Variants in CFAP97 observed in about 807,000 individuals in gnomAD.
CFAP97 encodes cilia and flagella associated protein 97, also known as cilia- and flagella-associated protein 97.
In CFAP97, 36 loss-of-function variants were observed where a neutral mutation model predicts 43.1. The ratio of observed to expected loss-of-function variants is 0.84; its 90% CI spans 0.64 to 1.10. The LOEUF is 1.10. Among genes scored for constraint, CFAP97 ranks in the 50% least tolerant of loss-of-function variants. The pLI is 0.00. For synonymous variants in CFAP97, 228 were observed against 225.7 expected (o/e 1.01, Z -0.09); for missense variants, 657 against 620.3 (o/e 1.06, Z -0.63).
chr4:185,199,963 A>G lies in CFAP97; in HGVS notation c.-17+3935T>C, dbSNP rs189540765. On this transcript the variant is annotated intron_variant, in intron 1 of 4. Coordinates refer to ENST00000458385, the MANE Select transcript of CFAP97 (RefSeq NM_020827.3). ...TCTGCAGCCCATGGTTCAAGGAGTA[A>G]GTCAAATTTCAAGTCTTACTTTTCA... Among the ~76,000 whole-genome samples the G allele has an allele frequency of 1.1e-3, 166 of 152,368 alleles. 2 individuals carry two copies. The highest frequency in any genetic ancestry group is 3.8e-3 in the African/African-American group (158 of 41,590).
chr4:185,175,648 G>A (rs1735485967), intron 3 of CFAP97, 138 bp downstream of exon 3: 2 of 737,918 alleles, frequency 2.7e-6, no homozygotes, highest in Non-Finnish European at 4.5e-6. Context: ...CACATCATAT[G>A]TTTCATACCA....
intron 2 of CFAP97, among the ~76,000 whole-genome samples, chr4:185,181,449 C>T (rs1461563852): frequency 1.3e-5 from 2 of 151,338 alleles, no homozygotes; most frequent in Non-Finnish European, 2.9e-5. Flanking sequence ...CCTCAGCCTC[C>T]CGAGTAGCTG....
chr4:185,209,994 C>G, upstream of CFAP97: 2 of 983,746 alleles, frequency 2.0e-6, no homozygotes, highest in Non-Finnish European at 2.4e-6. The surrounding 1 kb of genome is among the most constrained non-coding windows in gnomAD (Gnocchi z 5.2). Context: ...GCGGCCGGAG[C>G]TGGTGGAAGC....
chr4:185,177,566 G>A (rs1053915320), intron 2 of CFAP97, among the ~76,000 whole-genome samples: 1 of 152,156 alleles, frequency 6.6e-6, no homozygotes. Context: ...CAGGCACAGT[G>A]GCTCACAGCT....
intron 3 of CFAP97, among the ~76,000 whole-genome samples, chr4:185,165,938 AGAG>A (rs79296518): frequency 0.035 from 5,347 of 152,192 alleles, 166 homozygotes; most frequent in Middle Eastern, 0.075. Context: ...TAGAAAAGGG[AGAG>A]GAGGAGGTTG....
At position 185,161,139 on chromosome 4, in the gene CFAP97, T is replaced by C. The variant is rs1488680588; in HGVS notation, c.*1659A>G. On this transcript the variant is annotated 3_prime_UTR_variant, in exon 5 of 5. Transcript: ENST00000458385. ...CTTGGTTTAGTATAGCTCAAGCTTA[T>C]ATACACAGCAGGTATAGTAACTTGT... The C allele has an allele frequency of 6.6e-6, 1 of 152,244 alleles. No homozygotes were observed. The highest frequency in any genetic ancestry group is 1.9e-4 in the East Asian group (1 of 5,186). 9.4% of individuals were successfully genotyped at this position (152,244 alleles called of 1,614,324 possible).
chr4:185,209,989 C>T, upstream of CFAP97: 1 of 983,650 alleles, frequency 1.0e-6, no homozygotes, highest in Non-Finnish European at 1.2e-6. The surrounding 1 kb of genome is among the most constrained non-coding windows in gnomAD (Gnocchi z 5.2). Context: ...CCCGGGCGGC[C>T]GGAGCTGGTG....
At chr4:185,202,393 A>G (rs933177818) in intron 1 of CFAP97, among the ~76,000 whole-genome samples, 6 of 152,094 alleles carry the variant, frequency 3.9e-5, no homozygotes, top group African/African-American at 1.4e-4. Context: ...TACAAAAAAT[A>G]CAAAAATTAG....
chr4:185,177,280 G>A (rs1384946060), intron 2 of CFAP97, among the ~76,000 whole-genome samples: 1 of 151,986 alleles, frequency 6.6e-6, no homozygotes, highest in Non-Finnish European at 1.5e-5. Context: ...TGGCTTGGCG[G>A]TGTGCACCTG....
upstream of CFAP97, among the ~76,000 whole-genome samples, chr4:185,204,707 G>A (rs563913583): frequency 7.9e-5 from 12 of 152,192 alleles, no homozygotes; most frequent in Admixed American, 6.5e-5. Context: ...GAATCACAAA[G>A]GTCCTTATAA....
chr4:185,189,034 T>C (rs1736120302), intron 2 of CFAP97, among the ~76,000 whole-genome samples: 2 of 152,012 alleles, frequency 1.3e-5, no homozygotes, highest in South Asian at 4.2e-4. Context: ...GGCCAGGAGT[T>C]CGACGCAGCC....
chr4:185,209,776 G>A (rs1378267291), upstream of CFAP97: 2 of 983,974 alleles, frequency 2.0e-6, no homozygotes, highest in South Asian at 4.7e-5. This position sits in a 1 kb window ranked among gnomAD's most constrained non-coding sequence, Gnocchi z 5.2. Context: ...AGCGCCGGCG[G>A]GGGACCGGGG....
chr4:185,208,717 C>T (rs925088851), upstream of CFAP97, among the ~76,000 whole-genome samples: 9 of 151,014 alleles, frequency 6.0e-5, no homozygotes, highest in African/African-American at 2.2e-4. Flanking sequence ...AACAGAGACT[C>T]CGTCTCAAAA....
intron 1 of CFAP97, among the ~76,000 whole-genome samples, chr4:185,191,793 G>T (rs75578189): frequency 1.3e-5 from 2 of 151,934 alleles, no homozygotes; most frequent in African/African-American, 4.8e-5. Context: ...TCACACCACC[G>T]CACTCCAGCC....
At chr4:185,169,496 T>G in intron 3 of CFAP97, 1 of 651,894 alleles carries the variant, frequency 1.5e-6, no homozygotes, top group Admixed American at 6.3e-5. Flanking sequence ...GTAAGTCAAT[T>G]AAAACTCTTT....
At chr4:185,165,628 T>TA (rs1735037798) in intron 3 of CFAP97, among the ~76,000 whole-genome samples, 1 of 152,232 alleles carries the variant, frequency 6.6e-6, no homozygotes, top group African/African-American at 2.4e-5. Context: ...AGTTTCACAC[T>TA]AAAAAATCAG....
rs1215480757 is a variant in CFAP97 at position 185,159,698 on chromosome 4, T to C, written c.*3100A>G. The C allele has an allele frequency of 1.3e-5, 2 of 152,226 alleles. No homozygotes were observed. The highest frequency in any genetic ancestry group is 2.9e-5 in the Non-Finnish European group (2 of 68,040). The allele number at this position is 152,226 out of a possible 1,614,324, so 9.4% of individuals were successfully genotyped here. On this transcript the variant is annotated 3_prime_UTR_variant, in exon 5 of 5. Coordinates refer to ENST00000458385, the MANE Select transcript of CFAP97 (RefSeq NM_020827.3). ...AATTCTTTTATTTCTTTCTTCATTA[T>C]GCCAGGCTAGTTCTAAATGCCTAAA...
At chr4:185,183,107 A>T (rs182427972) in intron 2 of CFAP97, among the ~76,000 whole-genome samples, 1,584 of 152,262 alleles carry the variant, frequency 0.01, 22 homozygotes, top group Non-Finnish European at 0.016. Context: ...CTCAAAAAAA[A>T]AAAAAGGTTC....
chr4:185,192,592 A>C (rs1444321015), intron 1 of CFAP97, among the ~76,000 whole-genome samples: 1 of 148,192 alleles, frequency 6.7e-6, no homozygotes, highest in Non-Finnish European at 1.5e-5. Flanking sequence ...TAGAAACATC[A>C]CTATAAAGTC....
Sources: gnomAD v4.1 joint callset for allele counts (sites outside exome capture counted in the v4.1 genomes callset) on GRCh38, gnomAD v4.1.1 for gene constraint, Gnocchi (gnomAD v3.1) non-coding constraint, MANE v1.5 for transcripts, NCBI Gene and HGNC (gene_info 2026-07-23, HGNC 2026-07-21) for gene names.